The following ADGRA3 variants were observed in gnomAD, a reference collection of about 807,000 sequenced individuals.
The protein encoded by ADGRA3 is adhesion G protein-coupled receptor A3, also known as G-protein coupled receptor 125.
A neutral mutation model predicts 119.8 loss-of-function variants in ADGRA3; 56 were observed. That is an observed-to-expected ratio of 0.47 (90% CI 0.38 to 0.58). The LOEUF is 0.58. Ranked by LOEUF, ADGRA3 falls within the 20% of genes least tolerant of loss-of-function variation. ADGRA3 has a pLI of 0.00. For synonymous variants in ADGRA3, 607 were observed against 623.8 expected (o/e 0.97, Z 0.40); for missense variants, 1,516 against 1,649.0 (o/e 0.92, Z 1.40).
chr4:22,406,489 T>A (rs898725946), intron 14 of ADGRA3, among the ~76,000 whole-genome samples: 3 of 152,224 alleles, frequency 2.0e-5, no homozygotes, highest in Non-Finnish European at 2.9e-5. Context: ...TTTGTCTTTT[T>A]GATACAAACC....
rs137978509 is a variant in ADGRA3 at position 22,417,862 on chromosome 4, T to C, written c.1809+3024A>G. Among the ~76,000 whole-genome samples, 88 of 152,224 alleles carry C rather than the reference T, an allele frequency of 5.8e-4. 1 individual carries two copies. The highest frequency in any genetic ancestry group is 1.9e-3 in the African/African-American group (77 of 41,552). On this transcript the variant is annotated intron_variant, in intron 12 of 18. Coordinates refer to ENST00000334304, the MANE Select transcript of ADGRA3 (RefSeq NM_145290.4). The stretch of plus-strand genomic sequence containing the variant: ...AAAACGAAGGCAGGAAGCAAGAAGA[T>C]GCATAATGACTAGCCTGAAAAATTC...
chr4:22,512,988 G>A (rs1378907587), intron 1 of ADGRA3, among the ~76,000 whole-genome samples: 1 of 152,010 alleles, frequency 6.6e-6, no homozygotes, highest in Non-Finnish European at 1.5e-5. Flanking sequence ...TCTGGGACGT[G>A]GACTCTGATG....
At chr4:22,459,448 A>C (rs1717363009) in intron 3 of ADGRA3, among the ~76,000 whole-genome samples, 1 of 152,066 alleles carries the variant, frequency 6.6e-6, no homozygotes, top group Non-Finnish European at 1.5e-5. Context: ...ACAAACCTGC[A>C]CTTGTACCCC....
intron 2 of ADGRA3, among the ~76,000 whole-genome samples, chr4:22,471,841 T>A (rs547967833): frequency 6.6e-6 from 1 of 152,276 alleles, no homozygotes; most frequent in South Asian, 2.1e-4. Context: ...CTGAAAACAA[T>A]CACAGCACCT....
At chr4:22,489,312 T>C (rs1718545205) in intron 1 of ADGRA3, among the ~76,000 whole-genome samples, 1 of 152,108 alleles carries the variant, frequency 6.6e-6, no homozygotes, top group Non-Finnish European at 1.5e-5. Flanking sequence ...ACGTGAAAAT[T>C]ATGGGAGCTA....
intron 2 of ADGRA3, among the ~76,000 whole-genome samples, chr4:22,468,001 G>A (rs538406832): frequency 1.4e-4 from 22 of 152,282 alleles, no homozygotes; most frequent in African/African-American, 5.3e-4. Context: ...AACTCAAAAT[G>A]GCTTGAACAA....
At chr4:22,493,027 C>T (rs970957196) in intron 1 of ADGRA3, among the ~76,000 whole-genome samples, 2 of 151,982 alleles carry the variant, frequency 1.3e-5, no homozygotes, top group Non-Finnish European at 2.9e-5. Context: ...TGCAGAGGCA[C>T]AATCACAGCT....
chr4:22,414,294 C>T (rs954028685), intron 12 of ADGRA3: 5 of 256,292 alleles, frequency 2.0e-5, no homozygotes, highest in African/African-American at 2.2e-5. Context: ...TGAAATTATA[C>T]AAACATAATA....
intron 11 of ADGRA3, among the ~76,000 whole-genome samples, chr4:22,423,630 A>C (rs1342607344): frequency 6.6e-6 from 1 of 152,242 alleles, no homozygotes; most frequent in Non-Finnish European, 1.5e-5. Context: ...ATTTATTAAT[A>C]AGTCATTATC....
intron 16 of ADGRA3, among the ~76,000 whole-genome samples, chr4:22,400,736 A>G (rs1010596773): frequency 6.6e-6 from 1 of 152,188 alleles, no homozygotes; most frequent in Non-Finnish European, 1.5e-5. Context: ...GAAAAAAAAA[A>G]GGTTAAACAG....
intron 10 of ADGRA3, among the ~76,000 whole-genome samples, chr4:22,430,423 T>C (rs1205821925): frequency 6.6e-6 from 1 of 152,146 alleles, no homozygotes; most frequent in Non-Finnish European, 1.5e-5. Flanking sequence ...ACTTGGGAAC[T>C]AGAGCAAAGG....
rs1716356121 is a variant in ADGRA3 at position 22,435,436 on chromosome 4, T to C, written c.1318A>G (p.Thr440Ala). 2.5e-6 allele frequency: 4 copies of C among 1,605,500 alleles called. No homozygotes were observed. The highest frequency in any genetic ancestry group is 1.3e-5 in the African/African-American group (1 of 74,870). The change falls in exon 10 of 19, where the codon ACA becomes GCA. Residue 440 changes from threonine (T) to alanine (A), a missense_variant. By Grantham distance (58) the Thr-to-Ala change is moderately conservative. This residue lies in a region of ADGRA3 where 1,088 missense variants were observed against 1,107.1 expected (regional missense o/e 0.98). Coordinates refer to ENST00000334304, the MANE Select transcript of ADGRA3 (RefSeq NM_145290.4). ...MPLNLTNAVA[T>A]ARQLLAYTVE... is the part of the protein sequence containing the mutation. Reference sequence around the variant, plus strand: ...GTGTAAGCCAGTAACTGTCGAGCTGTTGCCACGGCATTGGTAAGATTGAGG... The same window carrying C: ...GTGTAAGCCAGTAACTGTCGAGCTGCTGCCACGGCATTGGTAAGATTGAGG...
rs562820363 is a variant in ADGRA3 at position 22,443,894 on chromosome 4, C to CA, written c.707-1032dup. ...CAGTGAGCATATTTTACTTGTGATA[C>CA]AACAATAATAATAAAGAGAAAAGGA... On this transcript the variant is annotated intron_variant, in intron 6 of 18. Transcript: ENST00000334304. Among the ~76,000 whole-genome samples the CA allele has an allele frequency of 3.0e-3, 461 of 151,978 alleles. 5 individuals are homozygous for CA. The highest frequency in any genetic ancestry group is 0.01 in the African/African-American group (422 of 41,450).
At chr4:22,495,725 G>A (rs950679717) in intron 1 of ADGRA3, among the ~76,000 whole-genome samples, 5 of 151,878 alleles carry the variant, frequency 3.3e-5, no homozygotes, top group African/African-American at 1.2e-4. Flanking sequence ...TGGCTAACAC[G>A]GTGAAACCCC....
Position 22,392,593 on chromosome 4 carries a change from C to A in ADGRA3, c.2579G>T (p.Arg860Ile), listed in dbSNP as rs1310595425. Reference protein sequence around the residue: ...IYKQVTKKAKRCQDPDEPPPP... With the variant: ...IYKQVTKKAKICQDPDEPPPP... ...TGGTGGTTCATCAGGATCCTGGCATCTTTTAGCTTTTTTAGTGACTTGTTT... is the reference window on the plus strand; with the variant it reads ...TGGTGGTTCATCAGGATCCTGGCATATTTTAGCTTTTTTAGTGACTTGTTT... The change falls in exon 17 of 19, where the codon AGA becomes ATA. Residue 860 changes from arginine (R) to isoleucine (I), a missense_variant. By Grantham distance (97) the Arg-to-Ile change is moderately conservative. This residue lies in a region of ADGRA3 where 1,088 missense variants were observed against 1,107.1 expected (regional missense o/e 0.98). Transcript: ENST00000334304. The A allele has an allele frequency of 6.2e-7, 1 of 1,613,798 alleles. No individual in the cohort carries two copies. Among genetic ancestry groups the A allele is most frequent in the Non-Finnish European group, 8.5e-7 (1 of 1,179,896 alleles).
intron 1 of ADGRA3, among the ~76,000 whole-genome samples, chr4:22,512,315 C>T (rs890023152): frequency 6.6e-6 from 1 of 152,192 alleles, no homozygotes; most frequent in East Asian, 1.9e-4. Flanking sequence ...TACATGTGCA[C>T]CCTGGTAATA....
intron 2 of ADGRA3, among the ~76,000 whole-genome samples, chr4:22,471,088 A>C (rs1717844594): frequency 6.6e-6 from 1 of 152,210 alleles, no homozygotes; most frequent in South Asian, 2.1e-4. Flanking sequence ...AGGAACAGTC[A>C]GTGCTGAAGG....
intron 2 of ADGRA3, among the ~76,000 whole-genome samples, chr4:22,463,491 T>C (rs1032682247): frequency 5.3e-5 from 8 of 152,170 alleles, no homozygotes; most frequent in African/African-American, 1.7e-4. Flanking sequence ...TCAGTTTGCC[T>C]TCTCCATCCT....
intron 1 of ADGRA3, among the ~76,000 whole-genome samples, chr4:22,481,664 G>A (rs992530293): frequency 2.6e-5 from 4 of 152,120 alleles, no homozygotes; most frequent in African/African-American, 7.2e-5. Context: ...TCCTCTTTCA[G>A]AAGATACCTC....
Sources: gnomAD v4.1 joint callset for allele counts (sites outside exome capture counted in the v4.1 genomes callset) on GRCh38, gnomAD v4.1.1 for gene constraint, gnomAD v4.1.1 regional missense constraint, MANE v1.5 for transcripts, NCBI Gene and HGNC (gene_info 2026-07-23, HGNC 2026-07-21) for gene names.